UST: variants seen among roughly 807,000 people sequenced by gnomAD.
UST encodes chondroitin sulfate 2-O-sulfotransferase.
A neutral mutation model predicts 45.6 loss-of-function variants in UST; 21 were observed. That is an observed-to-expected ratio of 0.46 (90% CI 0.33 to 0.66). The LOEUF (loss-of-function observed/expected upper bound fraction) is 0.66, where lower values mean the gene tolerates loss of function less well. UST is among the 30% of genes least tolerant of loss of function. The pLI, the probability that UST is intolerant of heterozygous loss-of-function variation, is 0.02. For synonymous variants in UST, 215 were observed against 200.6 expected (o/e 1.07, Z -0.61); for missense variants, 463 against 512.4 (o/e 0.90, Z 0.93).
chr6:148,992,867 CTT>C, intron 5 of UST: 1 of 381,758 alleles, frequency 2.6e-6, no homozygotes, highest in Non-Finnish European at 3.6e-6. Flanking sequence ...TCATGAACCT[CTT>C]TAGCAGTCTA....
chr6:148,949,010 G>T (rs1780303622), intron 3 of UST, among the ~76,000 whole-genome samples: 1 of 152,112 alleles, frequency 6.6e-6, no homozygotes, highest in Admixed American at 6.5e-5. Context: ...CTTATCCATG[G>T]CTGGGCACGG....
intron 1 of UST, among the ~76,000 whole-genome samples, chr6:148,876,440 G>A (rs1252513883): frequency 1.3e-5 from 2 of 152,086 alleles, no homozygotes; most frequent in Non-Finnish European, 2.9e-5. Flanking sequence ...TGTAAATGGG[G>A]CCATTAAACA....
Position 148,747,249 on chromosome 6 carries a change from G to A in UST, c.-182G>A, listed in dbSNP as rs1582783669. The stretch of plus-strand genomic sequence containing the variant: ...ACACCTCGGCCGCTCGGGCCGCGGC[G>A]GCGGGGACCATGCCGAAGAAAGTCT... On this transcript the variant is annotated 5_prime_UTR_variant, in exon 1 of 8. Transcript: ENST00000367463. 1.5e-6 allele frequency: 1 copy of A among 656,094 alleles called. No homozygotes were observed. The highest frequency in any genetic ancestry group is 2.2e-6 in the Non-Finnish European group (1 of 463,734). 40.6% of individuals were successfully genotyped at this position (656,094 alleles called of 1,614,324 possible). A position where few individuals can be genotyped will look rare whatever the true frequency, so the allele number is the denominator to read the frequency against.
intron 5 of UST, among the ~76,000 whole-genome samples, chr6:148,981,002 G>T (rs1434316520): frequency 1.3e-5 from 2 of 152,068 alleles, no homozygotes; most frequent in Non-Finnish European, 2.9e-5. Flanking sequence ...TGGGATTAAA[G>T]GCATGAGTCA....
intron 7 of UST, among the ~76,000 whole-genome samples, chr6:149,033,279 G>A (rs887033509): frequency 1.3e-5 from 2 of 152,188 alleles, no homozygotes; most frequent in African/African-American, 4.8e-5. Flanking sequence ...CTTATAAAAT[G>A]TACCCCCTGC....
intron 1 of UST, among the ~76,000 whole-genome samples, chr6:148,851,957 T>C (rs2242298): frequency 0.26 from 39,942 of 152,158 alleles, 6,367 homozygotes; most frequent in East Asian, 0.54. Context: ...CCACACTGCA[T>C]GTGGCTGGGA....
intron 1 of UST, among the ~76,000 whole-genome samples, chr6:148,852,121 G>C (rs1778119398): frequency 6.6e-6 from 1 of 152,186 alleles, no homozygotes. Flanking sequence ...GTTTTTACCT[G>C]CACCCATGGT....
chr6:149,034,864 CT>C (rs1776218715), intron 7 of UST, among the ~76,000 whole-genome samples: 1 of 136,994 alleles, frequency 7.3e-6, no homozygotes, highest in South Asian at 2.3e-4. Context: ...CTCTCTCTCT[CT>C]CTCTCTCTCT....
rs1211273735 is a variant in UST, at chr6:148,880,162, C to T, written c.248-6824C>T. On this transcript the variant is annotated intron_variant, in intron 1 of 7. Coordinates refer to ENST00000367463, the MANE Select transcript of UST (RefSeq NM_005715.3). ...TGGAGATGGGGTTTCACCATGTTGG[C>T]CAGGCTAGTGTCAAACTCCTGACCT... Among the ~76,000 whole-genome samples, 13 of 152,004 alleles carry T rather than the reference C, an allele frequency of 8.6e-5. No homozygotes were observed. In the East Asian group the frequency reaches 2.3e-3, roughly 27 times the overall value.
chr6:148,906,814 G>T (rs1779372034), intron 2 of UST, among the ~76,000 whole-genome samples: 2 of 152,208 alleles, frequency 1.3e-5, no homozygotes, highest in South Asian at 4.1e-4. Flanking sequence ...GCTTAGCACA[G>T]GCCTAGTCTA....
chr6:148,917,318 C>T (rs1403110218), intron 2 of UST, among the ~76,000 whole-genome samples: 3 of 152,252 alleles, frequency 2.0e-5, no homozygotes, highest in Non-Finnish European at 2.9e-5. Context: ...ACCTAGTACA[C>T]AGGGCCATGC....
rs541701034 is a variant in UST, at chr6:148,790,893, C to T, written c.247+43216C>T. On this transcript the variant is annotated intron_variant, in intron 1 of 7. Transcript: ENST00000367463. The surrounding 1 kb of genome is among the most constrained non-coding windows in gnomAD (Gnocchi z 4.2). ...TGCCTTCTCTCTCTGCCCGTTCCTG[C>T]GTCTCCACTCCTTTGTAGGTTGTAT... is the stretch of plus-strand genomic sequence containing the variant. Among the ~76,000 whole-genome samples the T allele has an allele frequency of 6.6e-6, 1 of 152,348 alleles. No homozygotes were observed. The highest frequency in any genetic ancestry group is 1.9e-4 in the East Asian group (1 of 5,186).
At chr6:148,986,383 A>T (rs1216972628) in intron 5 of UST, among the ~76,000 whole-genome samples, 1 of 152,170 alleles carries the variant, frequency 6.6e-6, no homozygotes, top group Non-Finnish European at 1.5e-5. Flanking sequence ...AGTTCATACC[A>T]CTAGTAAGTA....
intron 4 of UST, among the ~76,000 whole-genome samples, chr6:148,961,005 T>C (rs779754744): frequency 3.5e-4 from 53 of 152,166 alleles, no homozygotes; most frequent in Non-Finnish European, 5.1e-4. Context: ...GTGGGACCAA[T>C]GCTGATGAAA....
chr6:148,815,132 C>G (rs1777331520), intron 1 of UST, among the ~76,000 whole-genome samples: 1 of 152,154 alleles, frequency 6.6e-6, no homozygotes, highest in Non-Finnish European at 1.5e-5. Flanking sequence ...CCAACACTTA[C>G]TTGTAAAAAG....
At chr6:148,962,816 A>G (rs1438947627) in intron 4 of UST, among the ~76,000 whole-genome samples, 2 of 152,204 alleles carry the variant, frequency 1.3e-5, no homozygotes, top group Admixed American at 1.3e-4. Context: ...CTCTCTGAAG[A>G]TTCTTTTTAA....
At chr6:149,020,077 T>A (rs1775956816) in intron 6 of UST, among the ~76,000 whole-genome samples, 2 of 152,214 alleles carry the variant, frequency 1.3e-5, no homozygotes, top group African/African-American at 2.4e-5. Flanking sequence ...TAGAGGGTCC[T>A]TGTGTTTCTG....
At chr6:149,022,265 G>A (rs184217202) in intron 7 of UST, among the ~76,000 whole-genome samples, 3 of 152,222 alleles carry the variant, frequency 2.0e-5, no homozygotes, top group African/African-American at 4.8e-5. Flanking sequence ...GTTCTGTTTT[G>A]TTGTCCTGAG....
intron 1 of UST, among the ~76,000 whole-genome samples, chr6:148,788,193 A>G (rs1372259398): frequency 6.6e-6 from 1 of 152,162 alleles, no homozygotes; most frequent in Admixed American, 6.5e-5. Flanking sequence ...CTTATTTACT[A>G]CCACGAGAAC....
Sources: gnomAD v4.1 joint callset for allele counts (sites outside exome capture counted in the v4.1 genomes callset) on GRCh38, gnomAD v4.1.1 for gene constraint, Gnocchi (gnomAD v3.1) non-coding constraint, MANE v1.5 for transcripts, NCBI Gene and HGNC (gene_info 2026-07-23, HGNC 2026-07-21) for gene names.